PCSK6: variants seen among roughly 807,000 people sequenced by gnomAD.
PCSK6 encodes the protein paired basic amino acid cleaving enzyme 4.
In PCSK6, 85 loss-of-function variants were observed where a neutral mutation model predicts 123.3. The observed-to-expected ratio is 0.69, with a 90% CI of 0.58 to 0.83. The LOEUF is 0.83. Among genes scored for constraint, PCSK6 ranks in the 40% least tolerant of loss-of-function variants. The pLI, the probability that PCSK6 is intolerant of heterozygous loss-of-function variation, is 0.00. For missense variants in PCSK6, 1,191 were observed against 1,282.3 expected (o/e 0.93, Z 1.09); for synonymous variants, 508 against 516.0 (o/e 0.98, Z 0.21).
chr15:101,414,877 T>G (rs2055832091), intron 6 of PCSK6, among the ~76,000 whole-genome samples: 1 of 152,194 alleles, frequency 6.6e-6, no homozygotes, highest in Admixed American at 6.5e-5. Context: ...GACTCTTCAA[T>G]TGTGTTAAAA....
intron 13 of PCSK6, among the ~76,000 whole-genome samples, chr15:101,352,790 T>A (rs1447238930): frequency 1.3e-5 from 2 of 152,238 alleles, no homozygotes; most frequent in Non-Finnish European, 2.9e-5. Flanking sequence ...TGTTGCGATG[T>A]TGATGAGGAC....
chr15:101,427,802 A>G (rs2056307113), intron 6 of PCSK6, 90 bp downstream of exon 6: 3 of 1,049,710 alleles, frequency 2.9e-6, no homozygotes, highest in Non-Finnish European at 4.2e-6. Flanking sequence ...AAGCCAAAAA[A>G]CAGGAGGCTG....
In PCSK6 at chr15:101,431,422, A is replaced by T; in HGVS notation, c.555T>A (p.Asn185Lys). 1.2e-6 allele frequency: 2 copies of T among 1,613,924 alleles called. No individual in the cohort carries two copies. Among genetic ancestry groups the T allele is most frequent in the Non-Finnish European group, 1.7e-6 (2 of 1,179,870 alleles). Residue 185 changes from asparagine (N) to lysine (K), a missense_variant, in exon 4 of 22, where the codon AAT becomes AAA. By Grantham distance (94) the Asn-to-Lys change is moderately conservative. Around this residue, in one of 3 missense-constraint regions of PCSK6, gnomAD observed 357 missense variants for 484.5 expected, o/e 0.74. Transcript: ENST00000611716. ...AGCCCCTCTTCCACGCTGCCTGGAC[A>T]TTCATTTCCGACCGGCAGCGACTGT... is the stretch of plus-strand genomic sequence containing the variant. ...DKNSRCRSEM[N>K]VQAAWKRGYT...
chr15:101,322,410 G>A, intron 18 of PCSK6, 110 bp downstream of exon 18: 2 of 718,840 alleles, frequency 2.8e-6, no homozygotes, highest in Admixed American at 2.7e-5. Flanking sequence ...AATGGCTTTG[G>A]GCCTCTGACA....
intron 2 of PCSK6, among the ~76,000 whole-genome samples, chr15:101,433,388 G>A (rs1455080324): frequency 6.6e-6 from 1 of 152,236 alleles, no homozygotes; most frequent in African/African-American, 2.4e-5. Context: ...CCCTGAGTGG[G>A]AATGTTTTCT....
chr15:101,405,775 C>CA (rs2042757976), intron 6 of PCSK6, among the ~76,000 whole-genome samples: 1 of 151,698 alleles, frequency 6.6e-6, no homozygotes, highest in East Asian at 1.9e-4. Flanking sequence ...ACAGAGTCTC[C>CA]CTCTGTCGCC....
At position 101,348,124 on chromosome 15, in the gene PCSK6, G is replaced by A. The variant is rs12912897; in HGVS notation, c.1859-16093C>T. ...TGATACCAAGCCTCACCTGGAAGTG[G>A]AGGGAAAAGCCACAACCCCCGCCCC... On this transcript the variant is annotated intron_variant, in intron 13 of 21. Coordinates refer to ENST00000611716, the MANE Select transcript of PCSK6 (RefSeq NM_002570.5). Among the ~76,000 whole-genome samples the A allele has an allele frequency of 4.4e-3, 667 of 152,338 alleles. 2 individuals carry two copies. Among genetic ancestry groups the A allele is most frequent in the Middle Eastern group, 0.02 (6 of 294 alleles).
intron 1 of PCSK6, among the ~76,000 whole-genome samples, chr15:101,472,077 G>GA (rs914706177): frequency 9.9e-5 from 15 of 151,506 alleles, no homozygotes; most frequent in Admixed American, 3.9e-4. Context: ...ATCCTCTGAG[G>GA]AAAAAAAAAT....
At chr15:101,429,437 G>A (rs1325852377) in intron 5 of PCSK6, among the ~76,000 whole-genome samples, 2 of 152,062 alleles carry the variant, frequency 1.3e-5, no homozygotes, top group East Asian at 1.9e-4. Context: ...TGTGAGGTAG[G>A]GGACATCACT....
At chr15:101,418,209 A>T (rs1156478468) in intron 6 of PCSK6, among the ~76,000 whole-genome samples, 3 of 152,228 alleles carry the variant, frequency 2.0e-5, no homozygotes, top group African/African-American at 7.2e-5. Context: ...GAAAGTCACC[A>T]TATCCAATCA....
At chr15:101,326,153 C>T (rs895874107) in intron 16 of PCSK6, among the ~76,000 whole-genome samples, 1 of 152,374 alleles carries the variant, frequency 6.6e-6, no homozygotes, top group Non-Finnish European at 1.5e-5. Context: ...CGGACGCCAA[C>T]GTGCAACAGC....
intron 1 of PCSK6, among the ~76,000 whole-genome samples, chr15:101,449,861 TG>T (rs1434310944): frequency 6.6e-6 from 1 of 152,152 alleles, no homozygotes; most frequent in East Asian, 1.9e-4. Flanking sequence ...TCATCTCCTC[TG>T]GGGAGCCTCT....
chr15:101,348,613 T>C (rs2040807626), intron 13 of PCSK6, among the ~76,000 whole-genome samples: 1 of 152,214 alleles, frequency 6.6e-6, no homozygotes, highest in African/African-American at 2.4e-5. Context: ...TTATAGGCAC[T>C]ATGGACAAAG....
chr15:101,402,053 T>C (rs1461229390), intron 6 of PCSK6, among the ~76,000 whole-genome samples: 1 of 151,766 alleles, frequency 6.6e-6, no homozygotes, highest in Non-Finnish European at 1.5e-5. Context: ...AACAGCATGG[T>C]ACTGGTACCA....
intron 2 of PCSK6, among the ~76,000 whole-genome samples, chr15:101,440,214 C>G (rs1400248778): frequency 1.3e-5 from 2 of 152,222 alleles, no homozygotes; most frequent in Non-Finnish European, 2.9e-5. Flanking sequence ...CTGCACACTG[C>G]GAACACTTGG....
chr15:101,458,474 C>T (rs1256533475), intron 1 of PCSK6, among the ~76,000 whole-genome samples: 2 of 152,186 alleles, frequency 1.3e-5, no homozygotes, highest in South Asian at 2.1e-4. Context: ...CCACAGGACC[C>T]GGCTTCTTAG....
chr15:101,321,226 T>C (rs1319214204), intron 18 of PCSK6, among the ~76,000 whole-genome samples: 2 of 152,188 alleles, frequency 1.3e-5, no homozygotes, highest in African/African-American at 2.4e-5. Flanking sequence ...CTTTGGGGGA[T>C]CCCTTTCCTG....
intron 15 of PCSK6, among the ~76,000 whole-genome samples, chr15:101,330,642 C>G (rs765464339): frequency 3.9e-5 from 6 of 152,228 alleles, no homozygotes; most frequent in Non-Finnish European, 1.5e-5. Context: ...CCCATGGAGA[C>G]CCCCTCTCTC....
intron 11 of PCSK6, among the ~76,000 whole-genome samples, chr15:101,381,136 T>C (rs1461639785): frequency 1.3e-5 from 2 of 151,086 alleles, no homozygotes; most frequent in Admixed American, 1.3e-4. Context: ...CCAAGGCGGG[T>C]GGATCACCTG....
Sources: gnomAD v4.1 joint callset for allele counts (sites outside exome capture counted in the v4.1 genomes callset) on GRCh38, gnomAD v4.1.1 for gene constraint, gnomAD v4.1.1 regional missense constraint, MANE v1.5 for transcripts, NCBI Gene and HGNC (gene_info 2026-07-23, HGNC 2026-07-21) for gene names.